The following NLGN1 variants were observed in gnomAD, a reference collection of about 807,000 sequenced individuals.
NLGN1 encodes neuroligin-1.
A neutral mutation model predicts 65.5 loss-of-function variants in NLGN1; 12 were observed. That is an observed-to-expected ratio of 0.18 (90% CI 0.12 to 0.30). NLGN1 has a LOEUF of 0.30. Among genes scored for constraint, NLGN1 ranks in the 10% least tolerant of loss-of-function variants. The pLI, the probability that NLGN1 is intolerant of heterozygous loss-of-function variation, is 1.00. For missense variants in NLGN1, 750 were observed against 1,007.1 expected (o/e 0.74, Z 3.46); for synonymous variants, 350 against 359.5 (o/e 0.97, Z 0.30).
downstream of NLGN1, among the ~76,000 whole-genome samples, chr3:174,290,088 C>T (rs925406490): frequency 9.3e-5 from 14 of 150,236 alleles, no homozygotes; most frequent in East Asian, 2.7e-3. Context: ...TTTCAAATTT[C>T]TCCTTAAATT....
chr3:174,098,919 T>G (rs542761870), intron 4 of NLGN1, among the ~76,000 whole-genome samples: 6 of 152,312 alleles, frequency 3.9e-5, no homozygotes, highest in African/African-American at 1.4e-4. Context: ...TAAGAGCTTG[T>G]TTATACATTT....
At chr3:173,489,861 C>G (rs1728812136) in intron 2 of NLGN1, among the ~76,000 whole-genome samples, 1 of 151,898 alleles carries the variant, frequency 6.6e-6, no homozygotes, top group South Asian at 2.1e-4. Flanking sequence ...TTTCATGTGT[C>G]TTTTGGCTGC....
At chr3:173,509,785 C>T (rs987626536) in intron 2 of NLGN1, among the ~76,000 whole-genome samples, 12 of 152,044 alleles carry the variant, frequency 7.9e-5, no homozygotes, top group African/African-American at 4.8e-5. Flanking sequence ...AATTATACCC[C>T]ATGTGAAATG....
intron 4 of NLGN1, among the ~76,000 whole-genome samples, chr3:174,244,387 C>T (rs536525989): frequency 5.9e-5 from 9 of 152,212 alleles, no homozygotes; most frequent in African/African-American, 1.9e-4. Context: ...TTTGGGAAAA[C>T]AGTAATTAAG....
At chr3:174,083,392 A>C (rs1742627263) in intron 4 of NLGN1, among the ~76,000 whole-genome samples, 1 of 152,184 alleles carries the variant, frequency 6.6e-6, no homozygotes, top group Non-Finnish European at 1.5e-5. Context: ...AAACTAAAAT[A>C]GTGTCTCGCA....
intron 4 of NLGN1, among the ~76,000 whole-genome samples, chr3:173,917,413 T>A (rs1179329470): frequency 6.6e-6 from 1 of 152,228 alleles, no homozygotes; most frequent in Non-Finnish European, 1.5e-5. Flanking sequence ...AAATATTTGA[T>A]AGTGATTGGC....
chr3:174,057,973 T>C (rs1019198225), intron 4 of NLGN1: 1 of 152,108 alleles, frequency 6.6e-6, no homozygotes, highest in Non-Finnish European at 1.5e-5. Context: ...GAATATAAGA[T>C]TTAAGATTGG....
intron 2 of NLGN1, among the ~76,000 whole-genome samples, chr3:173,573,522 A>G (rs1025774334): frequency 1.3e-5 from 2 of 148,170 alleles, no homozygotes; most frequent in African/African-American, 2.4e-5. Context: ...AGTATATTTA[A>G]TATATAATCA....
intron 4 of NLGN1, among the ~76,000 whole-genome samples, chr3:173,836,157 T>C (rs2150635335): frequency 6.6e-6 from 1 of 152,264 alleles, no homozygotes; most frequent in South Asian, 2.1e-4. Flanking sequence ...GTCATGACTA[T>C]AGGAAATATG....
chr3:174,002,066 A>AC (rs1560816973), intron 4 of NLGN1, among the ~76,000 whole-genome samples: 1 of 152,004 alleles, frequency 6.6e-6, no homozygotes, highest in Non-Finnish European at 1.5e-5. Context: ...AAAAAAAAAA[A>AC]AAAAACAAGA....
At chr3:173,807,299 G>A (rs541481794) in intron 3 of NLGN1, among the ~76,000 whole-genome samples, 1 of 152,168 alleles carries the variant, frequency 6.6e-6, no homozygotes, top group South Asian at 2.1e-4. Context: ...TTTAGTTTAT[G>A]GCTCATAATG....
At chr3:174,276,938 G>C (rs1199876061) in intron 5 of NLGN1, among the ~76,000 whole-genome samples, 2 of 151,916 alleles carry the variant, frequency 1.3e-5, no homozygotes, top group East Asian at 3.9e-4. Flanking sequence ...AGGGTCGCTT[G>C]CTCAAAAATT....
rs1360528407 is a variant in NLGN1 at position 173,415,912 on chromosome 3, G to T, written c.-390+17425G>T. ...GTAAATATATATATATATAGAGAGAGAGAGAGGGAGAGAGAGAGAGAGAGA... is the reference window on the plus strand; with the variant it reads ...GTAAATATATATATATATAGAGAGATAGAGAGGGAGAGAGAGAGAGAGAGA... On this transcript the variant is annotated intron_variant, in intron 1 of 6. Coordinates refer to ENST00000457714, the Ensembl canonical transcript of NLGN1. 1.7e-3 allele frequency among the ~76,000 whole-genome samples: 211 copies of T among 127,728 alleles called. 2 individuals carry two copies. The highest frequency in any genetic ancestry group is 7.0e-3 in the African/African-American group (173 of 24,846). 83.8% of individuals were successfully genotyped at this position (127,728 alleles called of 152,430 possible). A position where few individuals can be genotyped will look rare whatever the true frequency, so the allele number is the denominator to read the frequency against.
intron 4 of NLGN1, among the ~76,000 whole-genome samples, chr3:173,860,694 T>C (rs1560510266): frequency 6.6e-6 from 1 of 152,180 alleles, no homozygotes; most frequent in Non-Finnish European, 1.5e-5. Flanking sequence ...TCCAACCCTC[T>C]AGTCTGTAAT....
intron 4 of NLGN1, among the ~76,000 whole-genome samples, chr3:173,927,803 G>A (rs76384509): frequency 6.6e-6 from 1 of 152,014 alleles, no homozygotes; most frequent in South Asian, 2.1e-4. Context: ...AGGTATGCTG[G>A]TGTGTCACAG....
chr3:174,291,466 A>C (rs1752757255), downstream of NLGN1, among the ~76,000 whole-genome samples: 1 of 151,290 alleles, frequency 6.6e-6, no homozygotes, highest in Admixed American at 6.6e-5. Flanking sequence ...TGACTATCAA[A>C]GAAATAATAT....
At chr3:173,619,019 C>T (rs191246714) in intron 3 of NLGN1, among the ~76,000 whole-genome samples, 48 of 152,194 alleles carry the variant, frequency 3.2e-4, no homozygotes, top group African/African-American at 9.1e-4. Flanking sequence ...CTTTTTTCAC[C>T]GTCTTGAAAT....
At chr3:173,780,681 G>A (rs995587798) in intron 3 of NLGN1, among the ~76,000 whole-genome samples, 3 of 152,188 alleles carry the variant, frequency 2.0e-5, no homozygotes, top group African/African-American at 7.2e-5. Flanking sequence ...CAGTAGAGAT[G>A]TGTGCACAAA....
chr3:173,852,089 G>C (rs1007891934), intron 4 of NLGN1, among the ~76,000 whole-genome samples: 10 of 151,982 alleles, frequency 6.6e-5, no homozygotes, highest in African/African-American at 2.2e-4. Context: ...TGGCGCGGTG[G>C]CTCACGCCTG....
Sources: gnomAD v4.1 joint callset for allele counts (sites outside exome capture counted in the v4.1 genomes callset) on GRCh38, gnomAD v4.1.1 for gene constraint, MANE v1.5 for transcripts, NCBI Gene and HGNC (gene_info 2026-07-23, HGNC 2026-07-21) for gene names.